Variants in PLCB1 observed in about 807,000 individuals in gnomAD.
The protein encoded by PLCB1 is phospholipase C beta 1.
PLCB1 carries 46 observed loss-of-function variants against 161.8 expected under a neutral mutation model. The observed-to-expected ratio is 0.28, with a 90% CI of 0.22 to 0.36. The LOEUF is 0.36. Among genes scored for constraint, PLCB1 ranks in the 10% least tolerant of loss-of-function variants. PLCB1 has a pLI of 1.00. For synonymous variants in PLCB1, 517 were observed against 503.7 expected, an observed-to-expected ratio of 1.03 and a Z score of -0.35; for missense variants, 1,016 against 1,472.5, an observed-to-expected ratio of 0.69 and a Z score of 5.07.
chr20:8,835,226 GC>G, intron 31 of PLCB1, among the ~76,000 whole-genome samples: 1 of 152,268 alleles, frequency 6.6e-6, no homozygotes, highest in Middle Eastern at 3.4e-3. Flanking sequence ...GAACAATGAG[GC>G]AGCAAGTGCA....
intron 2 of PLCB1, among the ~76,000 whole-genome samples, chr20:8,246,419 A>T (rs769277034): frequency 6.6e-6 from 1 of 151,960 alleles, no homozygotes; most frequent in Non-Finnish European, 1.5e-5. Flanking sequence ...GCTTATGCAC[A>T]TGTAGGGGTA....
At chr20:8,649,648 T>A (rs983447749) in intron 7 of PLCB1, 199 bp downstream of exon 7, 8 of 552,604 alleles carry the variant, frequency 1.4e-5, no homozygotes, top group African/African-American at 1.1e-4. Flanking sequence ...AAAACAGACC[T>A]GAGCTAGCAT....
intron 3 of PLCB1, among the ~76,000 whole-genome samples, chr20:8,382,242 A>G (rs913028921): frequency 1.3e-5 from 2 of 150,748 alleles, no homozygotes; most frequent in Non-Finnish European, 3.0e-5. Context: ...CAGGTTGTTC[A>G]ATTTCCATGT....
intron 3 of PLCB1, among the ~76,000 whole-genome samples, chr20:8,376,587 T>C (rs947044150): frequency 2.6e-5 from 4 of 152,190 alleles, no homozygotes; most frequent in Admixed American, 2.6e-4. Flanking sequence ...TATAGCATTT[T>C]ATTTAAGAGT....
intron 3 of PLCB1, among the ~76,000 whole-genome samples, chr20:8,384,208 CTTTG>C: frequency 6.6e-6 from 1 of 152,070 alleles, no homozygotes; most frequent in Non-Finnish European, 1.5e-5. Flanking sequence ...CTCTTGGAGG[CTTTG>C]TTTGTTCCTT....
intron 2 of PLCB1, among the ~76,000 whole-genome samples, chr20:8,303,824 T>C (rs1429260285): frequency 6.6e-6 from 1 of 152,138 alleles, no homozygotes; most frequent in Non-Finnish European, 1.5e-5. Flanking sequence ...GAGATGTGTT[T>C]TTGTCATTTC....
At chr20:8,664,016 T>C (rs886702103) in intron 9 of PLCB1, among the ~76,000 whole-genome samples, 1 of 152,124 alleles carries the variant, frequency 6.6e-6, no homozygotes, top group African/African-American at 2.4e-5. Flanking sequence ...TCAACTGATA[T>C]ATCTATAAAT....
chr20:8,687,568 C>G (rs1351360774), intron 10 of PLCB1, among the ~76,000 whole-genome samples: 1 of 152,130 alleles, frequency 6.6e-6, no homozygotes, highest in Non-Finnish European at 1.5e-5. Context: ...TCCCACATAT[C>G]AGAGAGAACA....
At chr20:8,203,082 T>C (rs1251732933) in intron 2 of PLCB1, among the ~76,000 whole-genome samples, 1 of 142,714 alleles carries the variant, frequency 7.0e-6, no homozygotes, top group Non-Finnish European at 1.5e-5. Context: ...TTCTGGGTTG[T>C]ATGCACACAC....
At position 8,251,007 on chromosome 20, in the gene PLCB1, G is replaced by A. The variant is rs1433112315; in HGVS notation, c.177+100636G>A. ...TAGACTGGTTAATTTATAAACATTA[G>A]GAATTTATTGCTTACAGTTCTAGAA... On this transcript the variant is annotated intron_variant, in intron 2 of 31. Transcript: ENST00000338037. 3.9e-5 allele frequency among the ~76,000 whole-genome samples: 6 copies of A among 152,046 alleles called. No individual in the cohort carries two copies. The East Asian group carries it at 1.2e-3, about 30-fold the overall frequency.
chr20:8,347,127 A>G (rs553599830), intron 2 of PLCB1, among the ~76,000 whole-genome samples: 1 of 152,346 alleles, frequency 6.6e-6, no homozygotes, highest in South Asian at 2.1e-4. Flanking sequence ...GGGTTCCTGT[A>G]TAAAGCTATA....
At chr20:8,414,200 C>G (rs889602683) in intron 3 of PLCB1, among the ~76,000 whole-genome samples, 2 of 151,816 alleles carry the variant, frequency 1.3e-5, no homozygotes, top group African/African-American at 4.8e-5. Flanking sequence ...AATCGTCATA[C>G]TAAAAAATGA....
chr20:8,504,265 C>G (rs1341646656), intron 3 of PLCB1, among the ~76,000 whole-genome samples: 1 of 152,036 alleles, frequency 6.6e-6, no homozygotes, highest in Non-Finnish European at 1.5e-5. Flanking sequence ...AAGCATATGA[C>G]GAATCACACA....
intron 3 of PLCB1, among the ~76,000 whole-genome samples, chr20:8,558,072 C>T (rs1050047837): frequency 6.6e-6 from 1 of 151,156 alleles, no homozygotes; most frequent in South Asian, 2.1e-4. Flanking sequence ...AGTACAAAAA[C>T]ATAGGAAAAA....
chr20:8,163,582 T>G (rs1008181111), intron 2 of PLCB1, among the ~76,000 whole-genome samples: 2 of 152,198 alleles, frequency 1.3e-5, no homozygotes, highest in African/African-American at 4.8e-5. Context: ...GCTTGGCCTG[T>G]GCAAATAATT....
chr20:8,439,293 C>T (rs891431790), intron 3 of PLCB1, among the ~76,000 whole-genome samples: 19 of 152,052 alleles, frequency 1.2e-4, no homozygotes, highest in African/African-American at 3.9e-4. Flanking sequence ...ATTAGCACAC[C>T]GAAGCATTTA....
At chr20:8,862,873 G>A (rs1437221829) in intron 31 of PLCB1, among the ~76,000 whole-genome samples, 10 of 152,206 alleles carry the variant, frequency 6.6e-5, no homozygotes, top group Non-Finnish European at 1.5e-4. Context: ...TTTCTGAGCA[G>A]TGGTCCCAGG....
At chr20:8,740,278 T>A in intron 21 of PLCB1, 66 bp from the exon 22 acceptor site, 1 of 805,580 alleles carries the variant, frequency 1.2e-6, no homozygotes, top group Non-Finnish European at 2.1e-6. Context: ...ATCACATAGA[T>A]GCGCATAATT....
chr20:8,673,294 G>A (rs1989996067), intron 9 of PLCB1, among the ~76,000 whole-genome samples: 1 of 152,132 alleles, frequency 6.6e-6, no homozygotes, highest in African/African-American at 2.4e-5. Flanking sequence ...GGAGCAGGTG[G>A]CTCGCAATGT....
Sources: gnomAD v4.1 joint callset for allele counts (sites outside exome capture counted in the v4.1 genomes callset) on GRCh38, gnomAD v4.1.1 for gene constraint, MANE v1.5 for transcripts, NCBI Gene and HGNC (gene_info 2026-07-23, HGNC 2026-07-21) for gene names.